Variants in OSBPL1A observed in about 807,000 individuals in gnomAD.
OSBPL1A encodes oxysterol binding protein like 1A.
In OSBPL1A, 80 loss-of-function variants were observed where a neutral mutation model predicts 137.1. The observed-to-expected ratio is 0.58, with a 90% CI of 0.49 to 0.70. The LOEUF (loss-of-function observed/expected upper bound fraction) is 0.70, where lower values mean the gene tolerates loss of function less well. Among genes scored for constraint, OSBPL1A ranks in the 30% least tolerant of loss-of-function variants. The pLI, the probability that OSBPL1A is intolerant of heterozygous loss-of-function variation, is 0.00. For synonymous variants in OSBPL1A, 365 were observed against 389.7 expected, an observed-to-expected ratio of 0.94 and a Z score of 0.75; for missense variants, 970 against 1,129.4, an observed-to-expected ratio of 0.86 and a Z score of 2.02.
chr18:24,283,281 A>AAAAAAAAATAT (rs1246058393), intron 14 of OSBPL1A, among the ~76,000 whole-genome samples: 5 of 78,370 alleles, frequency 6.4e-5, no homozygotes, highest in African/African-American at 1.1e-4. Context: ...AAAAAAAAAA[A>AAAAAAAAATAT]ATATATATAT....
At chr18:24,293,007 G>GAGGC (rs2090205187) in intron 14 of OSBPL1A, among the ~76,000 whole-genome samples, 1 of 150,346 alleles carries the variant, frequency 6.7e-6, no homozygotes, top group African/African-American at 2.4e-5. Flanking sequence ...TCAGGAGGCT[G>GAGGC]AGGCAGGAGT....
At chr18:24,249,373 A>G (rs774863623) in intron 15 of OSBPL1A, among the ~76,000 whole-genome samples, 5 of 152,038 alleles carry the variant, frequency 3.3e-5, no homozygotes, top group Non-Finnish European at 7.3e-5. Context: ...GCGGAATAGA[A>G]GCTTACATCC....
intron 13 of OSBPL1A, among the ~76,000 whole-genome samples, chr18:24,310,601 C>CAAA (rs751767943): frequency 7.5e-5 from 4 of 53,004 alleles, no homozygotes; most frequent in Non-Finnish European, 1.7e-4. Context: ...GACTCCGTCT[C>CAAA]AAAAAAAAAA....
At chr18:24,206,901 C>G (rs781577329) in intron 17 of OSBPL1A, among the ~76,000 whole-genome samples, 27 of 152,180 alleles carry the variant, frequency 1.8e-4, no homozygotes, top group Admixed American at 1.6e-3. Context: ...CCCCTCCGCT[C>G]TGAGACTCTG....
intron 5 of OSBPL1A, among the ~76,000 whole-genome samples, chr18:24,338,475 T>C (rs960912609): frequency 6.6e-6 from 1 of 152,122 alleles, no homozygotes; most frequent in Non-Finnish European, 1.5e-5. Context: ...CCTCCCATCA[T>C]GTATCTTTCA....
At chr18:24,351,274 G>A (rs751570952) in intron 4 of OSBPL1A, among the ~76,000 whole-genome samples, 17 of 146,434 alleles carry the variant, frequency 1.2e-4, no homozygotes, top group South Asian at 2.2e-4. Context: ...CTTTGAACCC[G>A]GGAGGCAAAG....
intron 21 of OSBPL1A, among the ~76,000 whole-genome samples, chr18:24,175,142 A>G (rs1432979386): frequency 9.4e-5 from 13 of 138,416 alleles, no homozygotes; most frequent in African/African-American, 3.8e-4. Context: ...ATATACACAT[A>G]TATATATATA....
intron 27 of OSBPL1A, among the ~76,000 whole-genome samples, chr18:24,164,722 C>G (rs1027854265): frequency 6.6e-6 from 1 of 151,960 alleles, no homozygotes; most frequent in Non-Finnish European, 1.5e-5. Context: ...GCCACTGCAC[C>G]CCGCCAGAGA....
At chr18:24,191,692 G>A (rs1299462856) in intron 18 of OSBPL1A, among the ~76,000 whole-genome samples, 11 of 152,130 alleles carry the variant, frequency 7.2e-5, no homozygotes, top group African/African-American at 2.4e-4. Context: ...CAGTAATGAA[G>A]TATGATGAAG....
At chr18:24,218,652 G>A (rs1011057790) in intron 17 of OSBPL1A, among the ~76,000 whole-genome samples, 3 of 151,758 alleles carry the variant, frequency 2.0e-5, no homozygotes, top group African/African-American at 7.3e-5. Flanking sequence ...CACTATGTTG[G>A]CCAGGCTGGT....
chr18:24,303,565 T>C lies in OSBPL1A; in HGVS notation c.1174+72A>G. The C allele has an allele frequency of 1.2e-5, 15 of 1,252,212 alleles. No individual in the cohort carries two copies. The South Asian group carries it at 1.9e-4, about 16-fold the overall frequency. The allele number at this position is 1,252,212 out of a possible 1,614,324, so 77.6% of individuals were successfully genotyped here. On this transcript the variant is annotated intron_variant, in intron 14 of 27. Transcript: ENST00000319481. The stretch of plus-strand genomic sequence containing the variant: ...AACCAAAAACTGTTTAAAAATGAAG[T>C]CAAACAAAACTACAACAGGTCAGTA...
chr18:24,169,367 C>T (rs928934246), intron 24 of OSBPL1A, among the ~76,000 whole-genome samples: 6 of 152,170 alleles, frequency 3.9e-5, no homozygotes, highest in Admixed American at 1.3e-4. Flanking sequence ...GACTGGTCTT[C>T]GGTAGGTCTG....
chr18:24,388,460 AAC>A (rs146792968), intron 1 of OSBPL1A, among the ~76,000 whole-genome samples: 12,178 of 151,956 alleles, frequency 0.08, 565 homozygotes, highest in Middle Eastern at 0.11. Context: ...ACATAAAATT[AAC>A]AGTTTTTTTT....
chr18:24,378,201 C>T (rs1479703427), intron 1 of OSBPL1A, among the ~76,000 whole-genome samples: 1 of 152,096 alleles, frequency 6.6e-6, no homozygotes, highest in Non-Finnish European at 1.5e-5. Context: ...GTATGTCATT[C>T]TTACTAATAA....
intron 4 of OSBPL1A, among the ~76,000 whole-genome samples, chr18:24,365,935 T>A (rs574739871): frequency 6.6e-6 from 1 of 152,274 alleles, no homozygotes; most frequent in South Asian, 2.1e-4. Flanking sequence ...ACCAGCTATG[T>A]GTCCTTCAAT....
intron 15 of OSBPL1A, among the ~76,000 whole-genome samples, chr18:24,244,692 G>A (rs1471729526): frequency 2.0e-5 from 3 of 152,120 alleles, no homozygotes; most frequent in Non-Finnish European, 2.9e-5. Flanking sequence ...CTCCCTTTCA[G>A]GCCAGAAGGC....
intron 5 of OSBPL1A, among the ~76,000 whole-genome samples, chr18:24,335,567 G>A (rs1327478555): frequency 6.6e-6 from 1 of 152,216 alleles, no homozygotes; most frequent in East Asian, 1.9e-4. Context: ...TAGAAAGGAA[G>A]CAATTTCAGA....
intron 7 of OSBPL1A, among the ~76,000 whole-genome samples, chr18:24,322,165 A>G (rs1182301692): frequency 7.0e-6 from 1 of 142,804 alleles, no homozygotes; most frequent in African/African-American, 2.7e-5. Context: ...GCTGGAGTGC[A>G]GTGGCACCAT....
At position 24,205,115 on chromosome 18, in the gene OSBPL1A, C is replaced by T. The variant is rs917915623; in HGVS notation, c.1602-8915G>A. Among the ~76,000 whole-genome samples, 4 of 152,108 alleles carry T rather than the reference C, an allele frequency of 2.6e-5. No homozygotes were observed. The South Asian group carries it at 8.3e-4, about 32-fold the overall frequency. Reference sequence around the variant, plus strand: ...CACCTCATTTAATCCTCAAAGTAATCTTATTAAGCACTGGTATTAAATAAC... The same window carrying T: ...CACCTCATTTAATCCTCAAAGTAATTTTATTAAGCACTGGTATTAAATAAC... On this transcript the variant is annotated intron_variant, in intron 17 of 27. Coordinates refer to ENST00000319481, the MANE Select transcript of OSBPL1A (RefSeq NM_080597.4).
Sources: gnomAD v4.1 joint callset for allele counts (sites outside exome capture counted in the v4.1 genomes callset) on GRCh38, gnomAD v4.1.1 for gene constraint, MANE v1.5 for transcripts, NCBI Gene and HGNC (gene_info 2026-07-23, HGNC 2026-07-21) for gene names.